The following UBE2D1 variants were observed in gnomAD, a reference collection of about 807,000 sequenced individuals.
UBE2D1 encodes the protein ubiquitin-conjugating enzyme E2 D1.
Under a neutral mutation model 24.6 loss-of-function variants are expected in UBE2D1, and 9 were observed. The ratio of observed to expected loss-of-function variants is 0.37; its 90% CI spans 0.22 to 0.64. UBE2D1 has a LOEUF of 0.64. UBE2D1 is among the 30% of genes least tolerant of loss of function. The pLI is 0.64. For missense variants in UBE2D1, 87 were observed against 177.1 expected (o/e 0.49, Z 2.89); for synonymous variants, 57 against 57.6 (o/e 0.99, Z 0.04).
At chr10:58,361,226 T>A (rs1840194215) in intron 1 of UBE2D1, 112 bp from the exon 2 acceptor site, 2 of 1,074,154 alleles carry the variant, frequency 1.9e-6, no homozygotes, top group Admixed American at 2.1e-5. Context: ...ATATTTTGAA[T>A]AGAACTGCTT....
chr10:58,339,132 G>T (rs1331970648), intron 1 of UBE2D1, among the ~76,000 whole-genome samples: 1 of 152,052 alleles, frequency 6.6e-6, no homozygotes, highest in African/African-American at 2.4e-5. Flanking sequence ...TTTAGACAGG[G>T]TCTCACTTTG....
intron 1 of UBE2D1, among the ~76,000 whole-genome samples, chr10:58,338,997 T>A (rs564009216): frequency 6.6e-6 from 1 of 152,196 alleles, no homozygotes; most frequent in Non-Finnish European, 1.5e-5. Context: ...AGCTGCTGAA[T>A]TTTTTTGATT....
chr10:58,360,893 TC>T, intron 1 of UBE2D1: 1 of 437,964 alleles, frequency 2.3e-6, no homozygotes, highest in Non-Finnish European at 4.5e-6. Flanking sequence ...CTGCACTCCA[TC>T]CTGGGCGACA....
intron 1 of UBE2D1, among the ~76,000 whole-genome samples, chr10:58,343,571 TATACAC>T (rs1302223905): frequency 2.0e-5 from 3 of 152,140 alleles, no homozygotes; most frequent in African/African-American, 4.8e-5. Context: ...AATGAATACA[TATACAC>T]ATACACAGAG....
chr10:58,342,146 T>C (rs1470291155), intron 1 of UBE2D1, among the ~76,000 whole-genome samples: 1 of 152,198 alleles, frequency 6.6e-6, no homozygotes, highest in Non-Finnish European at 1.5e-5. Flanking sequence ...GCTGTTGTGT[T>C]CCAGGATTGT....
At chr10:58,350,465 T>G (rs1032535380) in intron 1 of UBE2D1, among the ~76,000 whole-genome samples, 1 of 152,212 alleles carries the variant, frequency 6.6e-6, no homozygotes, top group African/African-American at 2.4e-5. Flanking sequence ...TTTAAAAAGT[T>G]GATCTGTAGG....
chr10:58,339,707 A>C (rs756587810), intron 1 of UBE2D1, among the ~76,000 whole-genome samples: 2 of 151,980 alleles, frequency 1.3e-5, no homozygotes, highest in Non-Finnish European at 2.9e-5. Flanking sequence ...TTATCTAGTA[A>C]GTGACAATGC....
intron 1 of UBE2D1, among the ~76,000 whole-genome samples, chr10:58,344,526 A>G (rs1379998509): frequency 6.6e-6 from 1 of 152,022 alleles, no homozygotes; most frequent in Non-Finnish European, 1.5e-5. Context: ...TGCAGCAAAC[A>G]ACAGTGATCA....
intron 1 of UBE2D1, among the ~76,000 whole-genome samples, chr10:58,352,726 C>G (rs1321199376): frequency 6.6e-6 from 1 of 152,142 alleles, no homozygotes; most frequent in Admixed American, 6.6e-5. Flanking sequence ...TCAGAATTTA[C>G]CAGGTCTTAT....
At chr10:58,340,806 T>C (rs1271894219) in intron 1 of UBE2D1, among the ~76,000 whole-genome samples, 2 of 152,324 alleles carry the variant, frequency 1.3e-5, no homozygotes, top group Middle Eastern at 3.4e-3. Flanking sequence ...GTGTCTTATG[T>C]AATTCCATAT....
At chr10:58,337,900 G>A (rs1263971042) in intron 1 of UBE2D1, among the ~76,000 whole-genome samples, 1 of 151,926 alleles carries the variant, frequency 6.6e-6, no homozygotes, top group Non-Finnish European at 1.5e-5. Flanking sequence ...AGGCTGGAGT[G>A]CAGTGGCATG....
At chr10:58,356,191 A>T (rs1237844394) in intron 1 of UBE2D1, among the ~76,000 whole-genome samples, 1 of 152,212 alleles carries the variant, frequency 6.6e-6, no homozygotes, top group Admixed American at 6.5e-5. Context: ...GTATTATAAA[A>T]AATTAAATGG....
chr10:58,358,404 C>A (rs1025606809), intron 1 of UBE2D1, among the ~76,000 whole-genome samples: 2 of 152,090 alleles, frequency 1.3e-5, no homozygotes, highest in African/African-American at 2.4e-5. Context: ...AAGGCACAGC[C>A]CTTCTAAAAT....
intron 1 of UBE2D1, among the ~76,000 whole-genome samples, chr10:58,340,753 G>A (rs1025593717): frequency 5.3e-5 from 8 of 152,152 alleles, no homozygotes; most frequent in Non-Finnish European, 8.8e-5. Context: ...TAGTAGCCAC[G>A]TTTTTAAAAC....
intron 1 of UBE2D1, among the ~76,000 whole-genome samples, chr10:58,337,602 T>C (rs1168686069): frequency 1.3e-5 from 2 of 152,142 alleles, no homozygotes; most frequent in Non-Finnish European, 1.5e-5. Context: ...TAGAGTTGTG[T>C]GGAACCTCAG....
intron 1 of UBE2D1, among the ~76,000 whole-genome samples, chr10:58,343,098 G>A (rs978479810): frequency 6.6e-6 from 1 of 151,990 alleles, no homozygotes; most frequent in African/African-American, 2.4e-5. Flanking sequence ...CCCAAGTGGG[G>A]ACTTGTTTTA....
chr10:58,365,064 G>C (rs1840240646), intron 5 of UBE2D1, among the ~76,000 whole-genome samples, 188 bp downstream of exon 5: 1 of 152,138 alleles, frequency 6.6e-6, no homozygotes, highest in African/African-American at 2.4e-5. Flanking sequence ...AGGGGAGTGT[G>C]GATGGACAAA....
rs1341267002 is a variant in UBE2D1, at chr10:58,363,892, C to T, written c.198+206C>T. 2.0e-5 allele frequency among the ~76,000 whole-genome samples: 3 copies of T among 152,066 alleles called. 1 individual carries two copies. Among genetic ancestry groups the T allele is most frequent in the Admixed American group, 6.6e-5 (1 of 15,262 alleles). On this transcript the variant is annotated intron_variant, in intron 4 of 6. Transcript: ENST00000373910. Reference sequence around the variant, plus strand: ...TAAGTCTATAAAACAAAAGTCAGTACGTGTCATGCTATAAATTAAATTCCT... The same window carrying T: ...TAAGTCTATAAAACAAAAGTCAGTATGTGTCATGCTATAAATTAAATTCCT...
At chr10:58,345,090 C>G (rs1840001726) in intron 1 of UBE2D1, among the ~76,000 whole-genome samples, 1 of 152,022 alleles carries the variant, frequency 6.6e-6, no homozygotes, top group South Asian at 2.1e-4. Context: ...GTCTCGAACT[C>G]CTGACTTCAA....
Sources: gnomAD v4.1 joint callset for allele counts (sites outside exome capture counted in the v4.1 genomes callset) on GRCh38, gnomAD v4.1.1 for gene constraint, MANE v1.5 for transcripts, NCBI Gene and HGNC (gene_info 2026-07-23, HGNC 2026-07-21) for gene names.